The following LCA5 variants were observed in gnomAD, a reference collection of about 807,000 sequenced individuals.
The protein encoded by LCA5 is lebercilin LCA5.
A neutral mutation model predicts 53.0 loss-of-function variants in LCA5; 37 were observed. The observed-to-expected ratio is 0.70, with a 90% CI of 0.54 to 0.92. LCA5 has a LOEUF of 0.92. Among genes scored for constraint, LCA5 ranks in the 40% least tolerant of loss-of-function variants. LCA5 has a pLI of 0.00. For missense variants in LCA5, 806 were observed against 790.5 expected (o/e 1.02, Z -0.23); for synonymous variants, 303 against 282.9 (o/e 1.07, Z -0.71).
At chr6:79,491,488 T>C in intron 6 of LCA5, 100 bp downstream of exon 6, 2 of 1,200,936 alleles carry the variant, frequency 1.7e-6, no homozygotes, top group South Asian at 2.4e-5. Context: ...CATATAGATA[T>C]AGTACTAGCT....
chr6:79,519,532 C>T (rs1766558207), intron 1 of LCA5, among the ~76,000 whole-genome samples: 1 of 151,776 alleles, frequency 6.6e-6, no homozygotes, highest in South Asian at 2.1e-4. Context: ...AAGAAACCAA[C>T]AAGGTGAAAC....
Position 79,486,538 on chromosome 6 carries a change from A to T in LCA5, c.*466T>A, listed in dbSNP as rs971990123. 1 of 158,322 alleles carries T rather than the reference A, an allele frequency of 6.3e-6. No individual in the cohort carries two copies. Among genetic ancestry groups the T allele is most frequent in the African/African-American group, 2.4e-5 (1 of 41,464 alleles). 9.8% of individuals were successfully genotyped at this position (158,322 alleles called of 1,614,324 possible). On this transcript the variant is annotated 3_prime_UTR_variant, in exon 8 of 8. Coordinates refer to ENST00000369846, the MANE Select transcript of LCA5 (RefSeq NM_001122769.3). The stretch of plus-strand genomic sequence containing the variant: ...ATAGGGACCCCTGGCCCTATCCATA[A>T]AGGGAAGGGCTCCTAAGAAGCACTG...
Position 79,486,900 on chromosome 6 carries a change from C to CTATT in LCA5, c.*103_*104insAATA. ...TGTATTTAGCTATTAAAAATCATTC[C>CTATT]TTAATAAGGACATTTTAGCATTAAA... On this transcript the variant is annotated 3_prime_UTR_variant, in exon 8 of 8. Transcript: ENST00000369846. The CTATT allele has an allele frequency of 1.1e-6, 1 of 948,944 alleles. No homozygotes were observed. Among genetic ancestry groups the CTATT allele is most frequent in the Non-Finnish European group, 1.5e-6 (1 of 647,236 alleles). 58.8% of individuals were successfully genotyped at this position (948,944 alleles called of 1,614,324 possible).
At chr6:79,516,445 G>A (rs1766439068) in intron 2 of LCA5, among the ~76,000 whole-genome samples, 1 of 151,816 alleles carries the variant, frequency 6.6e-6, no homozygotes, top group Admixed American at 6.6e-5. Flanking sequence ...CATAGAAAGA[G>A]CAACTTGTTT....
Position 79,513,031 on chromosome 6 carries a change from G to A in LCA5, c.720+181C>T, listed in dbSNP as rs949020302. ...GTCAATCAACATGTAGCTCATTAATGTACACAATCTTTTGCATCTTCCTCT... is the reference window on the plus strand; with the variant it reads ...GTCAATCAACATGTAGCTCATTAATATACACAATCTTTTGCATCTTCCTCT... On this transcript the variant is annotated intron_variant, in intron 3 of 7. Transcript: ENST00000369846. The A allele has an allele frequency of 3.1e-5, 20 of 649,046 alleles. No individual in the cohort carries two copies. In the African/African-American group the frequency reaches 3.1e-4, roughly 10 times the overall value. 40.2% of individuals were successfully genotyped at this position (649,046 alleles called of 1,614,324 possible). A position where few individuals can be genotyped will look rare whatever the true frequency, so the allele number is the denominator to read the frequency against.
intron 3 of LCA5, among the ~76,000 whole-genome samples, chr6:79,501,929 T>C (rs760075325): frequency 2.6e-5 from 4 of 151,852 alleles, no homozygotes; most frequent in Non-Finnish European, 5.9e-5. Flanking sequence ...TATATACACA[T>C]AGGAGAATAT....
rs762044733 is a variant in LCA5, at chr6:79,486,980, A to G, written c.*24T>C. On this transcript the variant is annotated 3_prime_UTR_variant, in exon 8 of 8. Transcript: ENST00000369846. ...TTAAAATATTTCAATATTTACAATTAGAAAAAATGTATACTCTAGTCAGTC... is the reference window on the plus strand; with the variant it reads ...TTAAAATATTTCAATATTTACAATTGGAAAAAATGTATACTCTAGTCAGTC... 2 of 1,573,580 alleles carry G rather than the reference A, an allele frequency of 1.3e-6. No individual in the cohort carries two copies. Among genetic ancestry groups the G allele is most frequent in the Non-Finnish European group, 1.7e-6 (2 of 1,151,328 alleles).
rs372872674 is a variant in LCA5, at chr6:79,489,158, A to G, written c.1157T>C (p.Met386Thr). The G allele has an allele frequency of 9.9e-6, 16 of 1,612,810 alleles. No homozygotes were observed. In the South Asian group the frequency reaches 1.1e-4, roughly 11 times the overall value. Residue 386 changes from methionine (M) to threonine (T), a missense_variant, in exon 7 of 8, where the codon ATG becomes ACG. Met to Thr is a moderately conservative substitution (Grantham distance 81). Transcript: ENST00000369846. Reference sequence around the variant, plus strand: ...TGTAACAAATTTTTCTTCTCTTTCCATAATTGGGTTTAGAATCCCTGCTTC... The same window carrying G: ...TGTAACAAATTTTTCTTCTCTTTCCGTAATTGGGTTTAGAATCCCTGCTTC... ...HGEAGILNPI[M>T]EREEKFVTDE...
chr6:79,517,231 A>G (rs1481628457), intron 2 of LCA5, among the ~76,000 whole-genome samples: 1 of 152,052 alleles, frequency 6.6e-6, no homozygotes, highest in East Asian at 1.9e-4. Flanking sequence ...GTACAAGTCA[A>G]ATTGAAGGAA....
intron 3 of LCA5, among the ~76,000 whole-genome samples, chr6:79,501,559 A>C (rs1307795876): frequency 1.3e-5 from 2 of 151,922 alleles, no homozygotes; most frequent in Non-Finnish European, 2.9e-5. Context: ...CACTATTTTC[A>C]ACCAGTCCAT....
At chr6:79,503,278 A>G (rs1167835000) in intron 3 of LCA5, among the ~76,000 whole-genome samples, 1 of 152,176 alleles carries the variant, frequency 6.6e-6, no homozygotes, top group African/African-American at 2.4e-5. Context: ...AGAGTTCCCC[A>G]TGGAGGTGTT....
At chr6:79,500,465 A>T (rs1221085317) in intron 3 of LCA5, among the ~76,000 whole-genome samples, 1 of 152,202 alleles carries the variant, frequency 6.6e-6, no homozygotes, top group Non-Finnish European at 1.5e-5. Context: ...ATTTGTTAAA[A>T]TAAGTCTATC....
Position 79,513,447 on chromosome 6 carries a change from AAT to A in LCA5, c.483_484del (p.Phe162SerfsTer3). 1 of 1,613,946 alleles carries A rather than the reference AAT, an allele frequency of 6.2e-7. No homozygotes were observed. Among genetic ancestry groups the A allele is most frequent in the Non-Finnish European group, 8.5e-7 (1 of 1,179,920 alleles). On this transcript the variant is annotated frameshift_variant, in exon 3 of 8. Transcript: ENST00000369846. LOFTEE classifies it high-confidence loss of function. ...TGCTGTAATCTCATTGTTATGACGAAATATAAGTTGTGAGATTTCATTTTCGG... is the reference window on the plus strand; with the variant it reads ...TGCTGTAATCTCATTGTTATGACGAAATAAGTTGTGAGATTTCATTTTCGG...
At chr6:79,491,473 A>T in intron 6 of LCA5, 115 bp downstream of exon 6, 1 of 1,097,494 alleles carries the variant, frequency 9.1e-7, no homozygotes, top group Non-Finnish European at 1.4e-6. Flanking sequence ...GGCTAGTCGC[A>T]TATTCATATA....
chr6:79,519,263 T>C (rs1766548903), intron 1 of LCA5, among the ~76,000 whole-genome samples, 178 bp from the exon 2 acceptor site: 1 of 152,242 alleles, frequency 6.6e-6, no homozygotes, highest in South Asian at 2.1e-4. Flanking sequence ...AAATACAGAC[T>C]GTCATAGCCT....
intron 3 of LCA5, among the ~76,000 whole-genome samples, chr6:79,500,056 A>G (rs991788649): frequency 6.6e-6 from 1 of 151,696 alleles, no homozygotes; most frequent in Non-Finnish European, 1.5e-5. Context: ...ATAGTATTCC[A>G]TGGTGTATAT....
intron 3 of LCA5, among the ~76,000 whole-genome samples, chr6:79,497,636 T>C (rs1025888749): frequency 2.6e-5 from 4 of 152,146 alleles, no homozygotes; most frequent in Non-Finnish European, 5.9e-5. Flanking sequence ...TTCAGTATAA[T>C]ACTTGACCCT....
Position 79,487,732 on chromosome 6 carries a change from C to T in LCA5, c.1366G>A (p.Gly456Arg), listed in dbSNP as rs149091694. ...CTCTTCAGTCTTTCTTCTTCCTCTC[C>T]TTGCAATTTATCCATATTCTGAATT... is the stretch of plus-strand genomic sequence containing the variant. ...YPIQNMDKLQ[G>R]EEEERLKREM... The change falls in exon 8 of 8, where the codon GGA becomes AGA. Residue 456 changes from glycine to arginine, a missense_variant. By Grantham distance (125) the Gly-to-Arg change is moderately radical. Coordinates refer to ENST00000369846, the MANE Select transcript of LCA5 (RefSeq NM_001122769.3). 4.5e-5 allele frequency: 72 copies of T among 1,613,792 alleles called. No individual in the cohort carries two copies. In the African/African-American group the frequency reaches 8.7e-4, roughly 19 times the overall value.
At chr6:79,516,330 T>C (rs1375128212) in intron 2 of LCA5, among the ~76,000 whole-genome samples, 1 of 151,950 alleles carries the variant, frequency 6.6e-6, no homozygotes, top group African/African-American at 2.4e-5. Context: ...ACTCAGCTCT[T>C]GGAATGACAG....
Sources: gnomAD v4.1 joint callset for allele counts (sites outside exome capture counted in the v4.1 genomes callset) on GRCh38, gnomAD v4.1.1 for gene constraint, MANE v1.5 for transcripts, NCBI Gene and HGNC (gene_info 2026-07-23, HGNC 2026-07-21) for gene names.